Variants in DCC observed in about 807,000 individuals in gnomAD.
DCC encodes netrin receptor DCC.
In DCC, 58 loss-of-function variants were observed where a neutral mutation model predicts 172.5. The observed-to-expected ratio is 0.34, with a 90% CI of 0.27 to 0.42. DCC has a LOEUF of 0.42. DCC is among the 10% of genes least tolerant of loss of function. The pLI is 1.00. For synonymous variants in DCC, 709 were observed against 644.5 expected, an observed-to-expected ratio of 1.10 and a Z score of -1.52; for missense variants, 1,740 against 1,791.0, an observed-to-expected ratio of 0.97 and a Z score of 0.51.
intron 2 of DCC, among the ~76,000 whole-genome samples, chr18:52,840,672 A>T (rs775013696): frequency 6.6e-6 from 1 of 152,226 alleles, no homozygotes; most frequent in Non-Finnish European, 1.5e-5. Context: ...CGCAGGGCCT[A>T]AAATAAAATG....
At chr18:52,738,717 A>G (rs2036766616) in intron 1 of DCC, among the ~76,000 whole-genome samples, 1 of 150,260 alleles carries the variant, frequency 6.7e-6, no homozygotes, top group Non-Finnish European at 1.5e-5. Context: ...TACTTTATAA[A>G]CCTTTAATTT....
chr18:52,695,359 G>C (rs1047516381), intron 1 of DCC, among the ~76,000 whole-genome samples: 90 of 152,190 alleles, frequency 5.9e-4, no homozygotes, highest in African/African-American at 2.1e-3. Flanking sequence ...CCAGCCTCCT[G>C]AAACTCTTCA....
In DCC at chr18:52,981,838, G is replaced by A. The variant is rs552767272; in HGVS notation, c.985+56468G>A. On this transcript the variant is annotated intron_variant, in intron 5 of 28. Transcript: ENST00000442544. Reference sequence around the variant, plus strand: ...AAGATAATTATCAATACAAGTAAATGAGTAATGAAAAATAAACAGTTATAG... The same window carrying A: ...AAGATAATTATCAATACAAGTAAATAAGTAATGAAAAATAAACAGTTATAG... Among the ~76,000 whole-genome samples the A allele has an allele frequency of 9.9e-5, 15 of 152,264 alleles. No individual in the cohort carries two copies. The South Asian group carries it at 2.9e-3, about 29-fold the overall frequency.
intron 25 of DCC, among the ~76,000 whole-genome samples, chr18:53,473,349 A>G (rs1440804599): frequency 6.6e-6 from 1 of 152,214 alleles, no homozygotes; most frequent in Non-Finnish European, 1.5e-5. Context: ...GGTGCTTGCT[A>G]AATATCTGTC....
intron 1 of DCC, among the ~76,000 whole-genome samples, chr18:52,535,017 C>T (rs1002874730): frequency 6.6e-6 from 1 of 152,134 alleles, no homozygotes; most frequent in Non-Finnish European, 1.5e-5. Context: ...CCATCTCCCC[C>T]TGTCAATGAG....
chr18:52,478,594 A>C (rs1247730642), intron 1 of DCC, among the ~76,000 whole-genome samples: 1 of 152,226 alleles, frequency 6.6e-6, no homozygotes, highest in African/African-American at 2.4e-5. Flanking sequence ...CAGGCTGTAC[A>C]GGAAGCATGC....
At chr18:53,436,140 T>C (rs1053693334) in intron 22 of DCC, among the ~76,000 whole-genome samples, 11 of 152,190 alleles carry the variant, frequency 7.2e-5, no homozygotes, top group African/African-American at 1.9e-4. Flanking sequence ...GTGCTCTAAT[T>C]TGATGTTTAC....
At chr18:53,178,383 AT>A (rs2055141297) in intron 8 of DCC, among the ~76,000 whole-genome samples, 1 of 152,236 alleles carries the variant, frequency 6.6e-6, no homozygotes, top group Non-Finnish European at 1.5e-5. Flanking sequence ...AAACAGGCAT[AT>A]GTTACAGTTT....
At chr18:52,695,111 A>C (rs1406299826) in intron 1 of DCC, among the ~76,000 whole-genome samples, 2 of 152,158 alleles carry the variant, frequency 1.3e-5, no homozygotes, top group African/African-American at 4.8e-5. Flanking sequence ...TGAATTTCGT[A>C]GGTCTCTTTT....
chr18:53,168,954 C>T (rs2054968355), intron 8 of DCC, among the ~76,000 whole-genome samples: 1 of 152,038 alleles, frequency 6.6e-6, no homozygotes, highest in Admixed American at 6.6e-5. Flanking sequence ...AAAAGGGTAT[C>T]TTTGTCAATA....
intron 1 of DCC, among the ~76,000 whole-genome samples, chr18:52,523,266 A>G (rs1394150008): frequency 6.6e-6 from 1 of 152,132 alleles, no homozygotes; most frequent in Non-Finnish European, 1.5e-5. Context: ...CCCATCAGAC[A>G]TTTTGATTCT....
At chr18:52,440,363 T>C (rs1987936353) in intron 1 of DCC, among the ~76,000 whole-genome samples, 3 of 152,204 alleles carry the variant, frequency 2.0e-5, no homozygotes, top group Non-Finnish European at 4.4e-5. Context: ...TTGAGTTTCT[T>C]TTTATCATTT....
intron 2 of DCC, among the ~76,000 whole-genome samples, chr18:52,815,588 A>G (rs1046495263): frequency 6.6e-6 from 1 of 152,184 alleles, no homozygotes; most frequent in Non-Finnish European, 1.5e-5. Flanking sequence ...GAGCTGTGAG[A>G]AATTAATTTC....
intron 2 of DCC, among the ~76,000 whole-genome samples, chr18:52,808,145 A>C (rs928335873): frequency 6.6e-6 from 1 of 152,088 alleles, no homozygotes; most frequent in Admixed American, 6.5e-5. Context: ...AATAAGAACT[A>C]GTAGAATCAC....
At chr18:53,527,493 A>G (rs2046472355) in intron 28 of DCC, among the ~76,000 whole-genome samples, 3 of 152,146 alleles carry the variant, frequency 2.0e-5, no homozygotes, top group Middle Eastern at 6.8e-3. Context: ...TACCAGAAAT[A>G]TAGATTTGTG....
chr18:53,244,570 A>C (rs1304266783), intron 12 of DCC, among the ~76,000 whole-genome samples: 1 of 152,198 alleles, frequency 6.6e-6, no homozygotes, highest in Non-Finnish European at 1.5e-5. Context: ...GAAGAATACA[A>C]GATGACTTAC....
chr18:53,058,918 T>C (rs545262344), intron 5 of DCC, among the ~76,000 whole-genome samples: 3 of 152,254 alleles, frequency 2.0e-5, no homozygotes, highest in Middle Eastern at 3.4e-3. Flanking sequence ...AGGGTGTCTG[T>C]ATTAGTCCAT....
At chr18:52,848,123 T>C (rs1438011554) in intron 2 of DCC, among the ~76,000 whole-genome samples, 3 of 150,408 alleles carry the variant, frequency 2.0e-5, no homozygotes, top group Non-Finnish European at 4.4e-5. Context: ...TCTCACTCTG[T>C]TGCCCAGGCT....
At chr18:53,518,216 C>T (rs530509860) in intron 27 of DCC, among the ~76,000 whole-genome samples, 20 of 152,158 alleles carry the variant, frequency 1.3e-4, no homozygotes, top group African/African-American at 4.8e-4. Flanking sequence ...GAGATAAGAA[C>T]CCAGGCTTCT....
Sources: gnomAD v4.1 joint callset for allele counts (sites outside exome capture counted in the v4.1 genomes callset) on GRCh38, gnomAD v4.1.1 for gene constraint, MANE v1.5 for transcripts, NCBI Gene and HGNC (gene_info 2026-07-23, HGNC 2026-07-21) for gene names.